The following WDR41 variants were observed in gnomAD, a reference collection of about 807,000 sequenced individuals.
WDR41 encodes the protein WD repeat domain 41, also known as WD repeat-containing protein 41.
WDR41 carries 63 observed loss-of-function variants against 69.3 expected under a neutral mutation model. The ratio of observed to expected loss-of-function variants is 0.91; its 90% confidence interval spans 0.74 to 1.12. The LOEUF is 1.12. WDR41 is among the 50% of genes most tolerant of loss of function. The pLI, the probability that WDR41 is intolerant of heterozygous loss-of-function variation, is 0.00. For synonymous variants in WDR41, 185 were observed against 192.1 expected (o/e 0.96, Z 0.31); for missense variants, 543 against 534.5 (o/e 1.02, Z -0.16).
At chr5:77,587,138 G>T (rs986953643) in intron 1 of WDR41, among the ~76,000 whole-genome samples, 2 of 150,208 alleles carry the variant, frequency 1.3e-5, no homozygotes, top group Non-Finnish European at 3.0e-5. Flanking sequence ...TCCCCCAAAC[G>T]TAACCCTATT....
At chr5:77,489,064 T>A (rs1022602237) in intron 2 of WDR41, among the ~76,000 whole-genome samples, 3 of 152,194 alleles carry the variant, frequency 2.0e-5, no homozygotes, top group Admixed American at 2.0e-4. Context: ...TACCTTCCAC[T>A]AAAAATAAAA....
intron 4 of WDR41, among the ~76,000 whole-genome samples, chr5:77,462,654 A>G (rs1002789902): frequency 2.0e-5 from 3 of 152,194 alleles, no homozygotes; most frequent in African/African-American, 7.2e-5. Context: ...CTTTTCTATC[A>G]GACTCAGATG....
At chr5:77,461,476 G>A (rs929347764) in intron 4 of WDR41, among the ~76,000 whole-genome samples, 4 of 152,108 alleles carry the variant, frequency 2.6e-5, no homozygotes, top group Non-Finnish European at 5.9e-5. Flanking sequence ...ATACTTTTGG[G>A]CTTACTCCAA....
At chr5:77,608,266 C>T (rs567055354) in intron 1 of WDR41, among the ~76,000 whole-genome samples, 3 of 152,254 alleles carry the variant, frequency 2.0e-5, no homozygotes, top group South Asian at 4.1e-4. Flanking sequence ...CTTTTTAAGG[C>T]CGAATAATAT....
chr5:77,437,213 A>G, intron 11 of WDR41, 123 bp downstream of exon 11: 2 of 799,778 alleles, frequency 2.5e-6, no homozygotes, highest in South Asian at 3.0e-5. Flanking sequence ...TTCTATAAAC[A>G]TCTGATGCCT....
intron 2 of WDR41, among the ~76,000 whole-genome samples, chr5:77,470,136 A>C (rs937624119): frequency 6.6e-6 from 1 of 151,892 alleles, no homozygotes; most frequent in Non-Finnish European, 1.5e-5. Flanking sequence ...ACATTCTTAA[A>C]GAAAAGAATT....
intron 8 of WDR41, among the ~76,000 whole-genome samples, chr5:77,448,056 A>C (rs1799459266): frequency 6.6e-6 from 1 of 152,328 alleles, no homozygotes; most frequent in South Asian, 2.1e-4. Flanking sequence ...ATCACATGGT[A>C]AAAGACATGC....
chr5:77,468,742 C>T (rs1800417029), intron 2 of WDR41, among the ~76,000 whole-genome samples: 1 of 152,134 alleles, frequency 6.6e-6, no homozygotes, highest in Non-Finnish European at 1.5e-5. Flanking sequence ...TATGGCAGTA[C>T]AGGCACCCCA....
At chr5:77,576,505 C>T (rs940783543) in intron 1 of WDR41, among the ~76,000 whole-genome samples, 3 of 152,044 alleles carry the variant, frequency 2.0e-5, no homozygotes, top group East Asian at 1.9e-4. Flanking sequence ...TGATATAAGC[C>T]ACTCTCTCTT....
At chr5:77,474,661 T>A (rs1800811473) in intron 2 of WDR41, among the ~76,000 whole-genome samples, 1 of 151,856 alleles carries the variant, frequency 6.6e-6, no homozygotes, top group Non-Finnish European at 1.5e-5. Flanking sequence ...GACTCTAACA[T>A]CTAAAAGTCT....
intron 12 of WDR41, among the ~76,000 whole-genome samples, chr5:77,433,863 G>A (rs1419972566): frequency 6.6e-6 from 1 of 152,212 alleles, no homozygotes; most frequent in Admixed American, 6.5e-5. Flanking sequence ...TTCAAAGGGA[G>A]AAAATGCCCC....
At chr5:77,590,895 G>C (rs769628448) in intron 1 of WDR41, among the ~76,000 whole-genome samples, 1 of 152,170 alleles carries the variant, frequency 6.6e-6, no homozygotes, top group African/African-American at 2.4e-5. Context: ...GAGTTGGAAA[G>C]TGCTCCCTCT....
intron 3 of WDR41, 30 bp downstream of exon 3, chr5:77,464,731 T>C: frequency 6.2e-7 from 1 of 1,608,938 alleles, no homozygotes; most frequent in Non-Finnish European, 8.5e-7. Context: ...CATATCTTTA[T>C]CACACAATCC....
chr5:77,548,099 GA>G (rs920956812), intron 1 of WDR41, among the ~76,000 whole-genome samples: 2 of 152,256 alleles, frequency 1.3e-5, no homozygotes, highest in Admixed American at 1.3e-4. Context: ...AATGAAACTG[GA>G]TCCTCATATC....
intron 1 of WDR41, among the ~76,000 whole-genome samples, chr5:77,543,003 C>A (rs1025779893): frequency 1.3e-5 from 2 of 152,146 alleles, no homozygotes; most frequent in African/African-American, 2.4e-5. Flanking sequence ...ACCCCCACTA[C>A]CAGCCCAGAG....
At chr5:77,605,812 T>A in intron 1 of WDR41, among the ~76,000 whole-genome samples, 1 of 152,000 alleles carries the variant, frequency 6.6e-6, no homozygotes, top group South Asian at 2.1e-4. Flanking sequence ...CCTTTGTGCT[T>A]AAAAAAAATA....
chr5:77,476,142 G>T (rs377695647), intron 2 of WDR41, among the ~76,000 whole-genome samples: 1 of 151,922 alleles, frequency 6.6e-6, no homozygotes. Context: ...AAAAAGAAAT[G>T]ACCAAAGCCT....
chr5:77,471,566 T>C (rs1308095021), intron 2 of WDR41, among the ~76,000 whole-genome samples: 2 of 151,932 alleles, frequency 1.3e-5, no homozygotes, highest in African/African-American at 2.4e-5. Flanking sequence ...AAGAATCAAA[T>C]AGACGCAATA....
At chr5:77,492,952 A>T (rs1801874864), upstream of WDR41, among the ~76,000 whole-genome samples, 1 of 152,208 alleles carries the variant, frequency 6.6e-6, no homozygotes, top group Admixed American at 6.5e-5. Context: ...AGTGTTCTTG[A>T]CCGTATGCTA....
Sources: allele counts gnomAD v4.1 joint callset (sites outside exome capture counted in the v4.1 genomes callset), GRCh38; gene constraint gnomAD v4.1.1; transcripts MANE v1.5; gene names NCBI Gene and HGNC (gene_info 2026-07-23, HGNC 2026-07-21).